The following ENDOD1 variants were observed in gnomAD, a reference collection of about 807,000 sequenced individuals.
ENDOD1 encodes endonuclease domain containing 1.
In ENDOD1, 9 loss-of-function variants were observed where a neutral mutation model predicts 6.5. That is an observed-to-expected ratio of 1.39 (90% CI 0.84 to 2.43). ENDOD1 has a LOEUF of 2.43. Ranked by LOEUF, ENDOD1 falls within the 30% of genes most tolerant of loss-of-function variation. ENDOD1 has a pLI of 0.00. For missense variants in ENDOD1, 648 were observed against 635.5 expected (o/e 1.02, Z -0.21); for synonymous variants, 255 against 255.2 (o/e 1.00, Z 0.01).
chr11:95,127,567 C>T (rs772379898), intron 1 of ENDOD1, among the ~76,000 whole-genome samples: 12 of 152,088 alleles, frequency 7.9e-5, no homozygotes, highest in Non-Finnish European at 1.3e-4. Flanking sequence ...TTCATAAATC[C>T]GAAAATGTGT....
Position 95,131,418 on chromosome 11 carries a change from T to C in ENDOD1, c.*1839T>C, listed in dbSNP as rs574119034. ...CCAGAGGGACAGTCCAGCCAAACTATTATTTGATAAGGAACCCAAGGCCCT... is the reference window on the plus strand; with the variant it reads ...CCAGAGGGACAGTCCAGCCAAACTACTATTTGATAAGGAACCCAAGGCCCT... On this transcript the variant is annotated 3_prime_UTR_variant, in exon 2 of 2. Transcript: ENST00000278505. 6.6e-6 allele frequency: 1 copy of C among 152,388 alleles called. No homozygotes were observed. The highest frequency in any genetic ancestry group is 1.5e-5 in the Non-Finnish European group (1 of 68,074). The allele number at this position is 152,388 out of a possible 1,614,324, so 9.4% of individuals were successfully genotyped here.
At chr11:95,108,747 C>T (rs1339743475) in intron 1 of ENDOD1, among the ~76,000 whole-genome samples, 1 of 152,154 alleles carries the variant, frequency 6.6e-6, no homozygotes, top group African/African-American at 2.4e-5. Context: ...CCATCCTCCC[C>T]CTCCATTGTT....
At chr11:95,117,672 C>G (rs1859224449) in intron 1 of ENDOD1, among the ~76,000 whole-genome samples, 1 of 152,110 alleles carries the variant, frequency 6.6e-6, no homozygotes, top group African/African-American at 2.4e-5. Flanking sequence ...AAGCATGTTT[C>G]TAGTAGGCAG....
chr11:95,101,684 C>T (rs528380280), intron 1 of ENDOD1, among the ~76,000 whole-genome samples: 9 of 152,120 alleles, frequency 5.9e-5, no homozygotes, highest in Admixed American at 3.9e-4. Flanking sequence ...TAGAGACACA[C>T]GGACTATTTC....
chr11:95,092,694 T>C (rs546892133), intron 1 of ENDOD1, among the ~76,000 whole-genome samples: 4 of 152,078 alleles, frequency 2.6e-5, no homozygotes, highest in South Asian at 2.1e-4. Flanking sequence ...CCAGAGAGTA[T>C]TGGGAGAGAG....
chr11:95,129,445 C>T lies in ENDOD1; in HGVS notation c.1369C>T (p.Leu457=). The T allele has an allele frequency of 1.2e-6, 2 of 1,614,224 alleles. No homozygotes were observed. Among genetic ancestry groups the T allele is most frequent in the Non-Finnish European group, 1.7e-6 (2 of 1,180,040 alleles). ...AIPIVCKDIA[L]GLGGTVSLLF... ...TCCAATTGTTTGCAAGGACATTGCACTGGGCCTTGGTGGCACTGTCTCACT... is the reference window on the plus strand; with the variant it reads ...TCCAATTGTTTGCAAGGACATTGCATTGGGCCTTGGTGGCACTGTCTCACT... Residue 457 remains leucine, a synonymous_variant, in exon 2 of 2, where the codon CTG becomes TTG. Coordinates refer to ENST00000278505, the MANE Select transcript of ENDOD1 (RefSeq NM_015036.3).
Position 95,129,569 on chromosome 11 carries a change from G to A in ENDOD1, c.1493G>A (p.Gly498Glu), listed in dbSNP as rs1859350225. ...IGYKVTFDNS[G>E]EL ...TACAAGGTTACTTTTGACAATTCTG[G>A]GGAGTTATAAACTCAAAAAACTAAT... The change falls in exon 2 of 2, where the codon GGG (glycine) becomes GAG (glutamate). Residue 498 changes from glycine (G) to glutamate (E), a missense_variant. Transcript: ENST00000278505. 6.2e-7 allele frequency: 1 copy of A among 1,611,240 alleles called. No individual in the cohort carries two copies. The highest frequency in any genetic ancestry group is 1.3e-5 in the African/African-American group (1 of 74,828).
intron 1 of ENDOD1, among the ~76,000 whole-genome samples, chr11:95,105,552 T>A (rs782507724): frequency 2.0e-5 from 3 of 152,122 alleles, no homozygotes; most frequent in Admixed American, 6.5e-5. Context: ...TCACATGCAT[T>A]AGCTTGTTTC....
chr11:95,124,916 T>G (rs1332265542), intron 1 of ENDOD1, among the ~76,000 whole-genome samples: 3 of 152,132 alleles, frequency 2.0e-5, no homozygotes, highest in Non-Finnish European at 4.4e-5. Flanking sequence ...AAGTCCTGGT[T>G]TCTGCTTAAC....
intron 1 of ENDOD1, among the ~76,000 whole-genome samples, chr11:95,095,004 A>G (rs1242615297): frequency 6.6e-6 from 1 of 152,196 alleles, no homozygotes; most frequent in Non-Finnish European, 1.5e-5. Context: ...ATTAATATGT[A>G]TATAAGGTGT....
At chr11:95,111,920 C>A (rs77445296) in intron 1 of ENDOD1, among the ~76,000 whole-genome samples, 4,890 of 152,290 alleles carry the variant, frequency 0.032, 108 homozygotes, top group Non-Finnish European at 0.044. Context: ...ATCCTTGTAA[C>A]CTGCTTATCT....
chr11:95,100,235 A>G (rs781879426), intron 1 of ENDOD1, among the ~76,000 whole-genome samples: 3 of 152,028 alleles, frequency 2.0e-5, no homozygotes, highest in Non-Finnish European at 4.4e-5. Flanking sequence ...TCATCTATCT[A>G]AGTCTCTGCA....
chr11:95,106,319 T>A (rs1555111389), intron 1 of ENDOD1, among the ~76,000 whole-genome samples: 1 of 152,162 alleles, frequency 6.6e-6, no homozygotes, highest in African/African-American at 2.4e-5. Context: ...CATCCCCAGC[T>A]GGTAGTGACA....
intron 1 of ENDOD1, among the ~76,000 whole-genome samples, chr11:95,126,389 T>G (rs1268560636): frequency 6.6e-6 from 1 of 152,206 alleles, no homozygotes; most frequent in African/African-American, 2.4e-5. Context: ...TTACTCATTT[T>G]AATTAGGTTT....
intron 1 of ENDOD1, among the ~76,000 whole-genome samples, chr11:95,092,500 G>C (rs1213199918): frequency 6.6e-6 from 1 of 152,178 alleles, no homozygotes; most frequent in African/African-American, 2.4e-5. Flanking sequence ...GGTGGAAATA[G>C]TTACAAATGG....
chr11:95,098,060 C>G (rs1591009623), intron 1 of ENDOD1, among the ~76,000 whole-genome samples: 1 of 151,942 alleles, frequency 6.6e-6, no homozygotes. Context: ...ATCTGAAATG[C>G]TTTAATGAGC....
chr11:95,128,419 G>C lies in ENDOD1; in HGVS notation c.343G>C (p.Ala115Pro), dbSNP rs759094081. ...CAACCTTGAGGAGGCGATTAATGAG[G>C]CAGAGGCCATCACCTCTGTGAACAG... Reference protein sequence around the residue: ...NSNLEEAINEAEAITSVNSLG... With the variant: ...NSNLEEAINEPEAITSVNSLG... The change falls in exon 2 of 2, where the codon GCA (alanine) becomes CCA (proline). Residue 115 changes from alanine to proline, a missense_variant. Transcript: ENST00000278505. The C allele has an allele frequency of 6.2e-7, 1 of 1,613,968 alleles. No individual in the cohort carries two copies. Among genetic ancestry groups the C allele is most frequent in the Non-Finnish European group, 8.5e-7 (1 of 1,179,974 alleles).
chr11:95,115,466 C>CGGAG (rs1347256194), intron 1 of ENDOD1, among the ~76,000 whole-genome samples: 1 of 151,758 alleles, frequency 6.6e-6, no homozygotes, highest in Non-Finnish European at 1.5e-5. Flanking sequence ...TTGACTTCTT[C>CGGAG]CTTTCCAATT....
At chr11:95,091,838 G>C (rs1858934546) in intron 1 of ENDOD1, among the ~76,000 whole-genome samples, 1 of 152,170 alleles carries the variant, frequency 6.6e-6, no homozygotes, top group Non-Finnish European at 1.5e-5. Flanking sequence ...TTAGAGCCAT[G>C]CTATGTGGGT....
Sources: allele counts gnomAD v4.1 joint callset (sites outside exome capture counted in the v4.1 genomes callset), GRCh38; gene constraint gnomAD v4.1.1; transcripts MANE v1.5; gene names NCBI Gene and HGNC (gene_info 2026-07-23, HGNC 2026-07-21).